Variants in ERMP1 observed in about 807,000 individuals in gnomAD.
ERMP1 encodes the protein endoplasmic reticulum metallopeptidase 1.
Under a neutral mutation model 92.0 loss-of-function variants are expected in ERMP1, and 86 were observed. The observed-to-expected ratio is 0.93, with a 90% confidence interval of 0.79 to 1.12. ERMP1 has a LOEUF of 1.12. ERMP1 is among the 50% of genes most tolerant of loss of function. ERMP1 has a pLI of 0.00. For missense variants in ERMP1, 1,342 were observed against 1,116.3 expected, an observed-to-expected ratio of 1.20 and a Z score of -2.88; for synonymous variants, 530 against 412.8, an observed-to-expected ratio of 1.28 and a Z score of -3.44.
At chr9:5,800,780 T>G (rs950259996) in intron 11 of ERMP1, among the ~76,000 whole-genome samples, 2 of 152,226 alleles carry the variant, frequency 1.3e-5, no homozygotes, top group Middle Eastern at 3.2e-3. Context: ...TAAGATTAAT[T>G]TTACTAGCAC....
At chr9:5,787,644 A>AAAAT in intron 13 of ERMP1, 51 bp from the exon 14 acceptor site, 1 of 1,554,406 alleles carries the variant, frequency 6.4e-7, no homozygotes, top group Middle Eastern at 1.7e-4. Flanking sequence ...AAGGATCAAA[A>AAAAT]AAATAACCCA....
At chr9:5,845,017 GT>G (rs1190310185) in intron 6 of ERMP1, among the ~76,000 whole-genome samples, 2 of 152,054 alleles carry the variant, frequency 1.3e-5, no homozygotes, top group African/African-American at 2.4e-5. Flanking sequence ...AGGGGAAAAT[GT>G]CCCCCCACCC....
At chr9:5,861,253 G>GA (rs34578556) in intron 5 of ERMP1, among the ~76,000 whole-genome samples, 72,228 of 143,940 alleles carry the variant, frequency 0.5, 21,437 homozygotes, top group South Asian at 0.69. Flanking sequence ...ACTGGAGAGG[G>GA]AAAAAAAATC....
intron 11 of ERMP1, 138 bp downstream of exon 11, chr9:5,801,038 C>CCTTA: frequency 1.4e-6 from 1 of 736,140 alleles, no homozygotes; most frequent in South Asian, 2.2e-5. Context: ...CTCCTCACTG[C>CCTTA]CTTACACACA....
intron 5 of ERMP1, among the ~76,000 whole-genome samples, chr9:5,863,116 T>C (rs989261431): frequency 4.6e-5 from 7 of 152,218 alleles, no homozygotes; most frequent in Non-Finnish European, 8.8e-5. Flanking sequence ...AACCCTGTCT[T>C]CATAGGGAAA....
intron 5 of ERMP1, among the ~76,000 whole-genome samples, chr9:5,866,180 G>A (rs1243842563): frequency 6.6e-6 from 1 of 152,166 alleles, no homozygotes; most frequent in Admixed American, 6.5e-5. Flanking sequence ...TTGCAGATGA[G>A]CCCCTCTCTT....
rs188037640 is a variant in ERMP1 at position 5,851,777 on chromosome 9, C to T, written n.3199+7691G>A. Among the ~76,000 whole-genome samples, 9 of 152,246 alleles carry T rather than the reference C, an allele frequency of 5.9e-5. No homozygotes were observed. In the East Asian group the frequency reaches 1.7e-3, roughly 29 times the overall value. The stretch of plus-strand genomic sequence containing the variant: ...TTCCCCTTCACACACATACACCCCA[C>T]AAAATTGATTTTAACACACATAAAA... On this transcript the variant is annotated intron_variant and non_coding_transcript_variant, in intron 6 of 6. Transcript: ENST00000690753.
chr9:5,823,955 C>T lies in ERMP1; in HGVS notation c.815G>A (p.Arg272His), dbSNP rs141023353. ...ITQHPWASLI[R>H]AFINLEAAGV... ...TGCTGCCTCTAGGTTAATGAATGCA[C>T]GAATCAAGCTAGCCCAGGGGTGCTG... The change falls in exon 4 of 15, where the codon CGT becomes CAT. Residue 272 changes from arginine (R) to histidine (H), a missense_variant. Physicochemically the swap from Arg to His is conservative, Grantham distance 29 (BLOSUM62 0). Coordinates refer to ENST00000339450, the MANE Select transcript of ERMP1 (RefSeq NM_024896.3). The T allele has an allele frequency of 1.4e-5, 22 of 1,613,992 alleles. No individual in the cohort carries two copies. Among genetic ancestry groups the T allele is most frequent in the African/African-American group, 4.0e-5 (3 of 74,894 alleles).
intron 13 of ERMP1, among the ~76,000 whole-genome samples, chr9:5,793,248 G>A (rs559182407): frequency 1.3e-5 from 2 of 151,644 alleles, no homozygotes; most frequent in East Asian, 3.9e-4. Flanking sequence ...TACTGCAAAC[G>A]ACAGGGCAGC....
intron 10 of ERMP1, among the ~76,000 whole-genome samples, chr9:5,804,239 C>CA (rs1224039252): frequency 6.6e-6 from 1 of 152,092 alleles, no homozygotes; most frequent in Non-Finnish European, 1.5e-5. Context: ...GAATTCCCAC[C>CA]AAAAGAGACC....
chr9:5,794,831 G>A (rs1828348605), intron 13 of ERMP1, among the ~76,000 whole-genome samples: 1 of 152,098 alleles, frequency 6.6e-6, no homozygotes, highest in Non-Finnish European at 1.5e-5. Flanking sequence ...ATTTAAGGAA[G>A]GAATTATACT....
intron 6 of ERMP1, among the ~76,000 whole-genome samples, chr9:5,842,128 C>G (rs1168289235): frequency 6.6e-6 from 1 of 152,126 alleles, no homozygotes; most frequent in African/African-American, 2.4e-5. Flanking sequence ...AAAGCCTCCA[C>G]ACAGTGCAAG....
At position 5,830,892 on chromosome 9, in the gene ERMP1, C is replaced by T; in HGVS notation, c.475G>A (p.Val159Ile). The stretch of plus-strand genomic sequence containing the variant: ...GAGCCTGTGGGCCGTTGTACATCTA[C>T]TGAAATCTTATGAAGGCTGTTGCTT... ...VQSNSLHKIS[V>I]DVQRPTGSFS... The change falls in exon 2 of 15, where the codon GTA becomes ATA. Residue 159 changes from valine (V) to isoleucine (I), a missense_variant. Physicochemically the swap from Val to Ile is conservative, Grantham distance 29. Transcript: ENST00000339450. 1.2e-6 allele frequency: 2 copies of T among 1,614,152 alleles called. No individual in the cohort carries two copies. Among genetic ancestry groups the T allele is most frequent in the Middle Eastern group, 1.6e-4 (1 of 6,062 alleles).
chr9:5,865,296 G>A (rs1010464240), intron 5 of ERMP1, among the ~76,000 whole-genome samples: 2 of 150,650 alleles, frequency 1.3e-5, no homozygotes, highest in African/African-American at 4.9e-5. Flanking sequence ...CACGAGGTCA[G>A]GAGATAGAGA....
intron 8 of ERMP1, among the ~76,000 whole-genome samples, chr9:5,807,811 A>C (rs1042457422): frequency 3.3e-5 from 5 of 151,986 alleles, no homozygotes; most frequent in Non-Finnish European, 7.4e-5. Context: ...CCTGACTTCC[A>C]CAAGCAAAAT....
chr9:5,837,257 C>T (rs1482193923), upstream of ERMP1, among the ~76,000 whole-genome samples: 2 of 152,072 alleles, frequency 1.3e-5, no homozygotes, highest in African/African-American at 2.4e-5. Context: ...GTAACTGGTA[C>T]TATAGGTGTG....
chr9:5,851,972 G>C (rs1830311996), intron 6 of ERMP1, among the ~76,000 whole-genome samples: 1 of 152,060 alleles, frequency 6.6e-6, no homozygotes, highest in African/African-American at 2.4e-5. Context: ...AAAACACTTA[G>C]TTTTTCATGA....
chr9:5,800,317 T>C (rs962629565), intron 11 of ERMP1, among the ~76,000 whole-genome samples: 6 of 152,174 alleles, frequency 3.9e-5, no homozygotes, highest in African/African-American at 1.4e-4. Flanking sequence ...TGACTAGAAT[T>C]GAGGCTTACT....
chr9:5,865,815 G>A (rs1830640975), intron 5 of ERMP1, among the ~76,000 whole-genome samples: 1 of 141,666 alleles, frequency 7.1e-6, no homozygotes, highest in African/African-American at 2.6e-5. Flanking sequence ...TCCAGCCCGG[G>A]CAACAGAGTG....
Sources: allele counts gnomAD v4.1 joint callset (sites outside exome capture counted in the v4.1 genomes callset), GRCh38; gene constraint gnomAD v4.1.1; transcripts MANE v1.5; gene names NCBI Gene and HGNC (gene_info 2026-07-23, HGNC 2026-07-21).